PJA2: variants seen among roughly 807,000 people sequenced by gnomAD.
PJA2 encodes E3 ubiquitin-protein ligase Praja-2.
Under a neutral mutation model 69.3 loss-of-function variants are expected in PJA2, and 25 were observed. That is an observed-to-expected ratio of 0.36 (90% CI 0.26 to 0.50). The LOEUF (loss-of-function observed/expected upper bound fraction) is 0.50. PJA2 is among the 20% of genes least tolerant of loss of function. PJA2 has a pLI of 0.96. For synonymous variants in PJA2, 308 were observed against 277.8 expected (o/e 1.11, Z -1.08); for missense variants, 809 against 830.2 (o/e 0.97, Z 0.31).
intron 5 of PJA2, among the ~76,000 whole-genome samples, chr5:109,367,168 A>G (rs1193223842): frequency 1.4e-5 from 2 of 147,502 alleles, no homozygotes; most frequent in African/African-American, 4.9e-5. Flanking sequence ...ATATATATCT[A>G]TGATGTATAT....
At chr5:109,385,639 TA>T (rs1747140776) in intron 1 of PJA2, among the ~76,000 whole-genome samples, 1 of 152,178 alleles carries the variant, frequency 6.6e-6, no homozygotes, top group Admixed American at 6.5e-5. Context: ...GTGTATAGAT[TA>T]TACCAAAACA....
intron 6 of PJA2, among the ~76,000 whole-genome samples, chr5:109,357,259 C>G (rs1239913161): frequency 2.0e-5 from 3 of 151,036 alleles, no homozygotes; most frequent in Non-Finnish European, 4.5e-5. Flanking sequence ...ACTTCCATAT[C>G]CTATTTGAAT....
intron 6 of PJA2, 63 bp from the exon 7 acceptor site, chr5:109,356,089 G>C: frequency 9.2e-7 from 1 of 1,082,750 alleles, no homozygotes; most frequent in Non-Finnish European, 1.4e-6. Context: ...CTTATGCTGA[G>C]GACATAATTA....
At chr5:109,354,628 GAT>G (rs541994698) in intron 7 of PJA2, among the ~76,000 whole-genome samples, 71 of 142,666 alleles carry the variant, frequency 5.0e-4, no homozygotes, top group African/African-American at 1.7e-3. Flanking sequence ...ATCGATATTA[GAT>G]ATATTAGATA....
At chr5:109,376,862 A>G (rs188314244) in intron 4 of PJA2, among the ~76,000 whole-genome samples, 5 of 152,156 alleles carry the variant, frequency 3.3e-5, no homozygotes, top group Non-Finnish European at 5.9e-5. Flanking sequence ...GTAATCAAAC[A>G]TAACTATATT....
At chr5:109,380,083 G>GTTCTTTTTTT (rs1561357711) in intron 3 of PJA2, among the ~76,000 whole-genome samples, 2 of 140,008 alleles carry the variant, frequency 1.4e-5, no homozygotes, top group Non-Finnish European at 3.1e-5. Flanking sequence ...GGTACGAAGG[G>GTTCTTTTTTT]TTCTTTTTTT....
intron 6 of PJA2, among the ~76,000 whole-genome samples, chr5:109,357,745 T>C (rs1314198324): frequency 6.6e-6 from 1 of 152,214 alleles, no homozygotes; most frequent in African/African-American, 2.4e-5. Context: ...TACTAGAAGT[T>C]TAAAACATAT....
At chr5:109,342,730 C>A (rs1367832340) in intron 9 of PJA2, among the ~76,000 whole-genome samples, 1 of 135,374 alleles carries the variant, frequency 7.4e-6, no homozygotes, top group East Asian at 2.3e-4. Context: ...GCCCGGCCAG[C>A]CGCCCCGTCC....
intron 1 of PJA2, among the ~76,000 whole-genome samples, chr5:109,392,337 G>T (rs915691064): frequency 1.7e-5 from 2 of 114,728 alleles, no homozygotes; most frequent in Non-Finnish European, 4.6e-5. Flanking sequence ...GAGGCGGGTG[G>T]ATCACTGGAG....
chr5:109,376,610 T>C (rs1267498122), intron 4 of PJA2, among the ~76,000 whole-genome samples: 1 of 152,006 alleles, frequency 6.6e-6, no homozygotes, highest in Non-Finnish European at 1.5e-5. Flanking sequence ...TGATTCTCCT[T>C]AAAGAAGAAA....
chr5:109,408,387 T>G (rs1051497439), intron 1 of PJA2, among the ~76,000 whole-genome samples: 2 of 152,188 alleles, frequency 1.3e-5, no homozygotes, highest in African/African-American at 4.8e-5. Flanking sequence ...TAGAATAAAT[T>G]ATAGCCCATT....
At chr5:109,402,201 T>C (rs905042339) in intron 1 of PJA2, among the ~76,000 whole-genome samples, 2 of 152,166 alleles carry the variant, frequency 1.3e-5, no homozygotes, top group Non-Finnish European at 2.9e-5. Flanking sequence ...ACAATTAAGA[T>C]TGTATATTTA....
chr5:109,342,376 G>T (rs1407519169), intron 9 of PJA2, among the ~76,000 whole-genome samples: 5 of 123,456 alleles, frequency 4.1e-5, no homozygotes, highest in Admixed American at 1.6e-4. Context: ...GGAGGGAGGT[G>T]GGGGGGTCGG....
chr5:109,401,503 A>T (rs1409296461), intron 1 of PJA2, among the ~76,000 whole-genome samples: 1 of 152,224 alleles, frequency 6.6e-6, no homozygotes, highest in African/African-American at 2.4e-5. Context: ...CCACTGATAA[A>T]ACATATTTGA....
At chr5:109,353,227 TTAGA>T (rs1376223580) in intron 7 of PJA2, among the ~76,000 whole-genome samples, 7 of 142,648 alleles carry the variant, frequency 4.9e-5, no homozygotes, top group Admixed American at 2.2e-4. Context: ...TATCTATATA[TTAGA>T]TACCTATAAT....
intron 7 of PJA2, among the ~76,000 whole-genome samples, chr5:109,345,320 C>G (rs1053859724): frequency 1.8e-4 from 27 of 150,070 alleles, no homozygotes; most frequent in Admixed American, 1.7e-3. Context: ...CAAGCCATTG[C>G]ACTCCAGCCT....
intron 3 of PJA2, among the ~76,000 whole-genome samples, chr5:109,379,563 A>G (rs1746991474): frequency 6.6e-6 from 1 of 152,252 alleles, no homozygotes; most frequent in South Asian, 2.1e-4. Flanking sequence ...AGGTTATACA[A>G]TGGGAAGCCT....
intron 6 of PJA2, 26 bp downstream of exon 6, chr5:109,362,814 C>T (rs759467719): frequency 3.3e-5 from 51 of 1,544,256 alleles, no homozygotes; most frequent in Admixed American, 3.5e-5. Context: ...CCTAATTAAG[C>T]ATCCTAATAA....
At chr5:109,353,814 TAGATGTCTATGATATCTAG>T (rs1762333166) in intron 7 of PJA2, among the ~76,000 whole-genome samples, 1 of 128,602 alleles carries the variant, frequency 7.8e-6, no homozygotes, top group Non-Finnish European at 1.7e-5. Context: ...ATCTATAGAT[TAGATGTCTATGATATCTAG>T]AGATATCTAT....
Sources: gnomAD v4.1 joint callset for allele counts (sites outside exome capture counted in the v4.1 genomes callset) on GRCh38, gnomAD v4.1.1 for gene constraint, MANE v1.5 for transcripts, NCBI Gene and HGNC (gene_info 2026-07-23, HGNC 2026-07-21) for gene names.